The following STXBP6 variants were observed in gnomAD, a reference collection of about 807,000 sequenced individuals.
The protein encoded by STXBP6 is syntaxin binding protein 6, also known as syntaxin-binding protein 6.
Under a neutral mutation model 26.9 loss-of-function variants are expected in STXBP6, and 21 were observed. The ratio of observed to expected loss-of-function variants is 0.78; its 90% CI spans 0.55 to 1.12. The LOEUF is 1.12. STXBP6 is among the 50% of genes most tolerant of loss of function. The probability of loss-of-function intolerance (pLI) is 0.00; values close to 1 mark genes in which losing one functional copy is unlikely to be tolerated. For missense variants in STXBP6, 232 were observed against 257.9 expected, an observed-to-expected ratio of 0.90 and a Z score of 0.69; for synonymous variants, 97 against 92.6, an observed-to-expected ratio of 1.05 and a Z score of -0.27.
At position 25,049,573 on chromosome 14, in the gene STXBP6, G is replaced by A; in HGVS notation, c.-33+305C>T. 1 of 985,438 alleles carries A rather than the reference G, an allele frequency of 1.0e-6. No individual in the cohort carries two copies. The highest frequency in any genetic ancestry group is 1.2e-6 in the Non-Finnish European group (1 of 829,988). 61.0% of individuals were successfully genotyped at this position (985,438 alleles called of 1,614,324 possible). A position where few individuals can be genotyped will look rare whatever the true frequency, so the allele number is the denominator to read the frequency against. ...AAAGGCTCCATCCTCAACTTTCTCG[G>A]AGGAAATCGCTCCGTTCTGCGGCTT... On this transcript the variant is annotated intron_variant, in intron 1 of 5. Transcript: ENST00000323944. The surrounding 1 kb of genome is among the most constrained non-coding windows in gnomAD (Gnocchi z 5.6).
intron 1 of STXBP6, among the ~76,000 whole-genome samples, chr14:25,015,908 G>A (rs751088023): frequency 6.6e-5 from 10 of 152,138 alleles, no homozygotes; most frequent in Non-Finnish European, 1.2e-4. Context: ...ATATGGCAGT[G>A]TCACCTTGTA....
chr14:25,018,029 A>G (rs2075188122), intron 1 of STXBP6, among the ~76,000 whole-genome samples: 1 of 152,182 alleles, frequency 6.6e-6, no homozygotes, highest in African/African-American at 2.4e-5. Context: ...AGACTTCTCT[A>G]TAACACACCA....
At chr14:25,033,773 G>C (rs965902669) in intron 1 of STXBP6, among the ~76,000 whole-genome samples, 9 of 152,174 alleles carry the variant, frequency 5.9e-5, no homozygotes, top group African/African-American at 1.9e-4. Context: ...TATGCAATTA[G>C]TTTAGCTCCT....
At chr14:25,036,997 C>T (rs1391361644) in intron 1 of STXBP6, among the ~76,000 whole-genome samples, 1 of 152,140 alleles carries the variant, frequency 6.6e-6, no homozygotes, top group African/African-American at 2.4e-5. Context: ...TATTCATCAG[C>T]ATATCTTTAA....
At chr14:24,821,710 T>C (rs982348721) in intron 4 of STXBP6, among the ~76,000 whole-genome samples, 8 of 152,158 alleles carry the variant, frequency 5.3e-5, no homozygotes, top group African/African-American at 1.9e-4. Context: ...ACTCCCTAAA[T>C]AATATCTATA....
intron 2 of STXBP6, among the ~76,000 whole-genome samples, chr14:24,883,782 T>TA (rs1333749366): frequency 1.3e-5 from 2 of 152,194 alleles, no homozygotes; most frequent in Non-Finnish European, 2.9e-5. Flanking sequence ...TGTTCTTCTA[T>TA]AGTGTTTAAT....
At chr14:24,849,801 G>A (rs1241799756) in intron 4 of STXBP6, among the ~76,000 whole-genome samples, 1 of 152,160 alleles carries the variant, frequency 6.6e-6, no homozygotes, top group Non-Finnish European at 1.5e-5. Flanking sequence ...CCATATGGTG[G>A]TGTTAATACA....
chr14:24,963,107 TC>T (rs1263441986), intron 2 of STXBP6, among the ~76,000 whole-genome samples: 2 of 152,172 alleles, frequency 1.3e-5, no homozygotes, highest in Non-Finnish European at 2.9e-5. Flanking sequence ...ATTGTTTTTT[TC>T]CCCTTGGTTT....
intron 1 of STXBP6, among the ~76,000 whole-genome samples, chr14:25,046,043 C>T (rs2075722125): frequency 6.6e-6 from 1 of 152,146 alleles, no homozygotes; most frequent in Non-Finnish European, 1.5e-5. Context: ...GAATAATGCT[C>T]TAGGAATGGG....
In STXBP6 at chr14:25,049,740, G is replaced by A. The variant is rs1231491326; in HGVS notation, c.-33+138C>T. ...CCAACTTGGAAGAATCTCTCTGGGA[G>A]CCTGCCTACTCCCCTGGCCTCACAG... On this transcript the variant is annotated intron_variant, in intron 1 of 5. Coordinates refer to ENST00000323944, the MANE Select transcript of STXBP6 (RefSeq NM_001394410.1). This position sits in a 1 kb window ranked among gnomAD's most constrained non-coding sequence, Gnocchi z 5.6. 2.0e-6 allele frequency: 2 copies of A among 985,418 alleles called. No individual in the cohort carries two copies. Among genetic ancestry groups the A allele is most frequent in the Admixed American group, 1.2e-4 (2 of 16,272 alleles). The allele number at this position is 985,418 out of a possible 1,614,324, so 61.0% of individuals were successfully genotyped here.
intron 2 of STXBP6, among the ~76,000 whole-genome samples, chr14:24,933,081 C>T (rs1282698876): frequency 6.6e-6 from 1 of 152,164 alleles, no homozygotes; most frequent in Non-Finnish European, 1.5e-5. Context: ...GAGGCTCAAG[C>T]CTGTAATCCC....
intron 4 of STXBP6, among the ~76,000 whole-genome samples, chr14:24,822,238 C>T (rs1051884167): frequency 2.5e-4 from 38 of 152,066 alleles, no homozygotes; most frequent in East Asian, 1.3e-3. Context: ...TGAATCCAGC[C>T]GGAAATCTGG....
At chr14:24,925,148 A>G (rs1345720514) in intron 2 of STXBP6, among the ~76,000 whole-genome samples, 1 of 152,218 alleles carries the variant, frequency 6.6e-6, no homozygotes, top group Admixed American at 6.5e-5. Flanking sequence ...TGTATTTACA[A>G]TAGAACTTCA....
intron 4 of STXBP6, among the ~76,000 whole-genome samples, chr14:24,824,145 A>G (rs1335003140): frequency 1.3e-5 from 2 of 152,166 alleles, no homozygotes; most frequent in South Asian, 2.1e-4. Context: ...TCGCTCTGTG[A>G]CAATTTCATT....
rs547972759 is a variant in STXBP6, at chr14:24,998,767, T to C, written c.-32-23917A>G. Among the ~76,000 whole-genome samples, 11 of 152,298 alleles carry C rather than the reference T, an allele frequency of 7.2e-5. No homozygotes were observed. In the South Asian group the frequency reaches 1.9e-3, roughly 26 times the overall value. On this transcript the variant is annotated intron_variant, in intron 1 of 5. Transcript: ENST00000323944. ...GGAAGTTGCCTTTTTTGTGTTTGTTTTGAAAGGAAACTATTTGGGTAATAT... is the reference window on the plus strand; with the variant it reads ...GGAAGTTGCCTTTTTTGTGTTTGTTCTGAAAGGAAACTATTTGGGTAATAT...
chr14:24,920,540 G>A (rs554527619), intron 2 of STXBP6, among the ~76,000 whole-genome samples: 82 of 151,968 alleles, frequency 5.4e-4, no homozygotes, highest in Non-Finnish European at 1.0e-3. Context: ...CTGAGTAAGC[G>A]CACATTTCTA....
intron 1 of STXBP6, among the ~76,000 whole-genome samples, chr14:25,023,903 G>A (rs1595338684): frequency 6.6e-6 from 1 of 152,174 alleles, no homozygotes. Flanking sequence ...GAGGTCGATA[G>A]GGCACATATT....
intron 2 of STXBP6, among the ~76,000 whole-genome samples, chr14:24,890,206 G>A (rs1241630): frequency 0.37 from 55,648 of 152,144 alleles, 10,406 homozygotes; most frequent in East Asian, 0.43. Context: ...AGCTTCCATG[G>A]CCATACCTGC....
At position 24,943,476 on chromosome 14, in the gene STXBP6, C is replaced by CT. The variant is rs2072875165; in HGVS notation, c.154+31188_154+31189insA. On this transcript the variant is annotated intron_variant, in intron 2 of 5. Transcript: ENST00000323944. ...CTGAATGGAAACCTAACTGATGATTCATTCTAAATGTTTCATCAGAAGCAA... is the reference window on the plus strand; with the variant it reads ...CTGAATGGAAACCTAACTGATGATTCTATTCTAAATGTTTCATCAGAAGCAA... 3.3e-5 allele frequency among the ~76,000 whole-genome samples: 5 copies of CT among 152,220 alleles called. 1 individual carries two copies. The highest frequency in any genetic ancestry group is 3.3e-4 in the Admixed American group (5 of 15,282).
Sources: gnomAD v4.1 joint callset for allele counts (sites outside exome capture counted in the v4.1 genomes callset) on GRCh38, gnomAD v4.1.1 for gene constraint, Gnocchi (gnomAD v3.1) non-coding constraint, MANE v1.5 for transcripts, NCBI Gene and HGNC (gene_info 2026-07-23, HGNC 2026-07-21) for gene names.